The following GALNTL6 variants were observed in gnomAD, a reference collection of about 807,000 sequenced individuals.
GALNTL6 encodes the protein polypeptide N-acetylgalactosaminyltransferase-like 6.
In GALNTL6, 46 loss-of-function variants were observed where a neutral mutation model predicts 73.7. That is an observed-to-expected ratio of 0.62 (90% CI 0.49 to 0.80). GALNTL6 has a LOEUF of 0.80. Among genes scored for constraint, GALNTL6 ranks in the 30% least tolerant of loss-of-function variants. The pLI is 0.00. For synonymous variants in GALNTL6, 259 were observed against 263.7 expected, an observed-to-expected ratio of 0.98 and a Z score of 0.17; for missense variants, 604 against 755.0, an observed-to-expected ratio of 0.80 and a Z score of 2.34.
At chr4:172,303,781 T>TA (rs1231045653) in intron 3 of GALNTL6, among the ~76,000 whole-genome samples, 1 of 152,188 alleles carries the variant, frequency 6.6e-6, no homozygotes, top group Non-Finnish European at 1.5e-5. Flanking sequence ...TTGTTTATCT[T>TA]ACATATATGC....
At chr4:172,898,426 C>T (rs1746445497) in intron 8 of GALNTL6, among the ~76,000 whole-genome samples, 1 of 150,208 alleles carries the variant, frequency 6.7e-6, no homozygotes, top group Non-Finnish European at 1.5e-5. Flanking sequence ...AAAGGTTATA[C>T]TCCAAACTAT....
chr4:172,939,530 G>A (rs764757163), intron 9 of GALNTL6, among the ~76,000 whole-genome samples: 11 of 152,244 alleles, frequency 7.2e-5, no homozygotes, highest in Middle Eastern at 3.4e-3. Flanking sequence ...AGAAGTCTCA[G>A]GCTAGATAAA....
In GALNTL6 at chr4:172,388,953, G is replaced by A. The variant is rs1188260924; in HGVS notation, c.553+40264G>A. ...ATCTATATCTATATCTATATTTTTG[G>A]TGAACTTTATTTTCTTGGTTTTTCC... On this transcript the variant is annotated intron_variant, in intron 5 of 12. Transcript: ENST00000506823. Among the ~76,000 whole-genome samples, 2 of 151,572 alleles carry A rather than the reference G, an allele frequency of 1.3e-5. 1 individual carries two copies. The highest frequency in any genetic ancestry group is 4.9e-5 in the African/African-American group (2 of 41,080).
At chr4:171,887,795 A>G (rs1736644829) in intron 2 of GALNTL6, among the ~76,000 whole-genome samples, 1 of 152,188 alleles carries the variant, frequency 6.6e-6, no homozygotes, top group South Asian at 2.1e-4. Flanking sequence ...AAACAGTAAC[A>G]TATAATTCTT....
At chr4:172,691,047 G>A (rs1465890594) in intron 5 of GALNTL6, among the ~76,000 whole-genome samples, 1 of 152,106 alleles carries the variant, frequency 6.6e-6, no homozygotes, top group Non-Finnish European at 1.5e-5. Context: ...CTGAATAAAG[G>A]GCTGAAAACA....
intron 5 of GALNTL6, among the ~76,000 whole-genome samples, chr4:172,675,579 G>A (rs985553726): frequency 1.3e-5 from 2 of 152,144 alleles, no homozygotes; most frequent in African/African-American, 4.8e-5. Context: ...TGATTGCCCT[G>A]GAGGAATTTA....
At position 172,832,017 on chromosome 4, in the gene GALNTL6, AC is replaced by A. The variant is rs1452309623; in HGVS notation, c.923+18296del. 4.6e-5 allele frequency among the ~76,000 whole-genome samples: 7 copies of A among 152,328 alleles called. No individual in the cohort carries two copies. The East Asian group carries it at 1.4e-3, about 29-fold the overall frequency. On this transcript the variant is annotated intron_variant, in intron 7 of 12. Coordinates refer to ENST00000506823, the MANE Select transcript of GALNTL6 (RefSeq NM_001034845.3). ...ATGGTACTTTGCCAGAGCAGCCTGA[AC>A]CAAGAGAAGCCTTGAGCCTCATATT...
At chr4:172,803,928 G>A (rs2110969429) in intron 5 of GALNTL6, among the ~76,000 whole-genome samples, 1 of 152,246 alleles carries the variant, frequency 6.6e-6, no homozygotes, top group African/African-American at 2.4e-5. Context: ...AATGCCTATA[G>A]TCAAATGCTA....
chr4:172,903,168 A>C (rs1016065492), intron 8 of GALNTL6, among the ~76,000 whole-genome samples: 1 of 149,924 alleles, frequency 6.7e-6, no homozygotes, highest in South Asian at 2.1e-4. Context: ...ATATTGAATC[A>C]TAAACCATGA....
At chr4:172,994,558 A>G (rs911157488) in intron 10 of GALNTL6, among the ~76,000 whole-genome samples, 2 of 152,222 alleles carry the variant, frequency 1.3e-5, no homozygotes, top group African/African-American at 4.8e-5. Flanking sequence ...TCATATGCCA[A>G]ATGAAATTTG....
At chr4:172,429,264 T>A (rs1409720499) in intron 5 of GALNTL6, among the ~76,000 whole-genome samples, 1 of 150,472 alleles carries the variant, frequency 6.6e-6, no homozygotes, top group Non-Finnish European at 1.5e-5. Flanking sequence ...CAGGCTGGTG[T>A]GCAGTGGCGT....
At chr4:172,644,615 T>G (rs767524261) in intron 5 of GALNTL6, among the ~76,000 whole-genome samples, 3 of 151,972 alleles carry the variant, frequency 2.0e-5, no homozygotes, top group Non-Finnish European at 2.9e-5. Context: ...TATACCACAA[T>G]GTACTTGTCC....
intron 2 of GALNTL6, among the ~76,000 whole-genome samples, chr4:172,127,494 A>T (rs111623897): frequency 6.6e-6 from 1 of 152,250 alleles, no homozygotes; most frequent in Non-Finnish European, 1.5e-5. Flanking sequence ...GTTATTTTAC[A>T]TGTACCTAAT....
At chr4:173,022,997 C>A (rs1237726323) in intron 12 of GALNTL6, among the ~76,000 whole-genome samples, 1 of 152,178 alleles carries the variant, frequency 6.6e-6, no homozygotes, top group Admixed American at 6.5e-5. Flanking sequence ...GCCTTCTCAG[C>A]CAGGGATAAG....
intron 2 of GALNTL6, among the ~76,000 whole-genome samples, chr4:171,974,687 T>C (rs114122227): frequency 0.027 from 4,085 of 152,282 alleles, 138 homozygotes; most frequent in African/African-American, 0.075. Context: ...TACACAGCTA[T>C]ACAAGACAAT....
intron 4 of GALNTL6, among the ~76,000 whole-genome samples, chr4:172,320,806 G>A (rs140327413): frequency 0.023 from 3,439 of 152,284 alleles, 64 homozygotes; most frequent in Middle Eastern, 0.044. Context: ...AAACCCCTAC[G>A]AATACCACTG....
At chr4:172,042,981 CT>C (rs982699251) in intron 2 of GALNTL6, among the ~76,000 whole-genome samples, 1 of 148,364 alleles carries the variant, frequency 6.7e-6, no homozygotes, top group African/African-American at 2.5e-5. Context: ...TCTCCAAAAT[CT>C]GGCTTTTGGC....
intron 2 of GALNTL6, among the ~76,000 whole-genome samples, chr4:172,160,453 A>T (rs2110789402): frequency 6.6e-6 from 1 of 152,238 alleles, no homozygotes; most frequent in East Asian, 1.9e-4. Flanking sequence ...ATAAAAGTCC[A>T]TTGGATTTGC....
chr4:172,329,773 TC>T (rs1415482394), intron 4 of GALNTL6, among the ~76,000 whole-genome samples: 1 of 152,038 alleles, frequency 6.6e-6, no homozygotes, highest in African/African-American at 2.4e-5. Flanking sequence ...AACCCATCTG[TC>T]CCCCTGGGAA....
Sources: gnomAD v4.1 joint callset for allele counts (sites outside exome capture counted in the v4.1 genomes callset) on GRCh38, gnomAD v4.1.1 for gene constraint, MANE v1.5 for transcripts, NCBI Gene and HGNC (gene_info 2026-07-23, HGNC 2026-07-21) for gene names.